Variants in TULP4 observed in about 807,000 individuals in gnomAD.
TULP4 encodes TUB like protein 4.
A neutral mutation model predicts 129.0 loss-of-function variants in TULP4; 16 were observed. The observed-to-expected ratio is 0.12, with a 90% CI of 0.08 to 0.19. TULP4 has a LOEUF of 0.19. Among genes scored for constraint, TULP4 ranks in the 10% least tolerant of loss-of-function variants. The probability of loss-of-function intolerance (pLI) is 1.00; values close to 1 mark genes in which losing one functional copy is unlikely to be tolerated. For missense variants in TULP4, 1,842 were observed against 2,059.1 expected (o/e 0.89, Z 2.04); for synonymous variants, 998 against 854.0 (o/e 1.17, Z -2.94).
chr6:158,423,595 CTTAAT>C (rs544170895), intron 2 of TULP4, among the ~76,000 whole-genome samples: 31 of 151,648 alleles, frequency 2.0e-4, no homozygotes, highest in African/African-American at 5.3e-4. Flanking sequence ...TAAATTTTTT[CTTAAT>C]TTAAACTTGT....
upstream of TULP4, among the ~76,000 whole-genome samples, chr6:158,309,466 G>A (rs1173644045): frequency 2.0e-4 from 30 of 147,618 alleles, no homozygotes; most frequent in Non-Finnish European, 3.7e-4. Context: ...AGGCAGAGAC[G>A]CTCCTCACTT....
At chr6:158,454,040 C>A (rs1779235763) in intron 5 of TULP4, among the ~76,000 whole-genome samples, 2 of 128,412 alleles carry the variant, frequency 1.6e-5, no homozygotes, top group South Asian at 2.7e-4. Flanking sequence ...CAAGTAATTA[C>A]TCTATTTTTA....
intron 3 of TULP4, among the ~76,000 whole-genome samples, chr6:158,436,683 G>T (rs1583873937): frequency 6.6e-6 from 1 of 152,114 alleles, no homozygotes; most frequent in Non-Finnish European, 1.5e-5. Context: ...TTAAAAGGAG[G>T]GAGTCTTAAA....
chr6:158,481,408 G>A (rs1779942700), intron 8 of TULP4, 119 bp downstream of exon 8: 1 of 888,206 alleles, frequency 1.1e-6, no homozygotes, highest in East Asian at 2.7e-5. Context: ...GGGGGCTAGT[G>A]TGGAACATCC....
chr6:158,431,655 G>C, intron 3 of TULP4, among the ~76,000 whole-genome samples: 1 of 152,180 alleles, frequency 6.6e-6, no homozygotes, highest in Non-Finnish European at 1.5e-5. Flanking sequence ...CTCCCAAGTC[G>C]AATCTGGGGT....
At chr6:158,481,374 T>C (rs1380219937) in intron 8 of TULP4, 85 bp downstream of exon 8, 8 of 1,270,340 alleles carry the variant, frequency 6.3e-6, no homozygotes, top group Non-Finnish European at 9.0e-6. Flanking sequence ...AAAGAGAATG[T>C]CTGCTAATGA....
chr6:158,504,201 G>C (rs1374714414), intron 13 of TULP4, 23 bp downstream of exon 13: 2 of 1,515,520 alleles, frequency 1.3e-6, no homozygotes, highest in Non-Finnish European at 1.8e-6. Flanking sequence ...ACCAGGTGGC[G>C]CTGCGAGCCC....
At chr6:158,473,601 C>CT (rs1313474249) in intron 6 of TULP4, among the ~76,000 whole-genome samples, 14 of 152,216 alleles carry the variant, frequency 9.2e-5, no homozygotes, top group Non-Finnish European at 1.8e-4. Flanking sequence ...TCACTGCAAC[C>CT]TCTGCCTCCC....
At chr6:158,454,886 G>A (rs1178520737) in intron 5 of TULP4, among the ~76,000 whole-genome samples, 7 of 152,104 alleles carry the variant, frequency 4.6e-5, no homozygotes, top group Admixed American at 1.3e-4. Context: ...GATTACAGGC[G>A]TGAGCCACCA....
Position 158,293,137 on chromosome 6 carries a change from T to TA in TULP4, n.116+10760dup, listed in dbSNP as rs756160446. 1.6e-4 allele frequency among the ~76,000 whole-genome samples: 24 copies of TA among 152,338 alleles called. No homozygotes were observed. In the East Asian group the frequency reaches 4.6e-3, roughly 29 times the overall value. On this transcript the variant is annotated intron_variant and non_coding_transcript_variant, in intron 1 of 1. Coordinates refer to the TULP4 transcript ENST00000432358. ...TCCCTCCTCTCTCTGTACAGATAAT[T>TA]ACATGTTCATATTCTCAGAATCGGC...
intron 9 of TULP4, among the ~76,000 whole-genome samples, chr6:158,491,417 CTTTCT>C: frequency 3.8e-5 from 1 of 26,524 alleles, no homozygotes; most frequent in Non-Finnish European, 8.3e-5. Flanking sequence ...TTCTTTCTTT[CTTTCT>C]TTCTTTCTTT....
chr6:158,384,323 T>TGA (rs1467579607), intron 1 of TULP4, among the ~76,000 whole-genome samples: 80 of 151,654 alleles, frequency 5.3e-4, no homozygotes, highest in Non-Finnish European at 1.3e-4. Flanking sequence ...AGTCTCGCTC[T>TGA]GTGACCCAGG....
chr6:158,486,967 G>A (rs903557178), intron 8 of TULP4, among the ~76,000 whole-genome samples: 3 of 152,046 alleles, frequency 2.0e-5, no homozygotes, highest in African/African-American at 7.2e-5. Flanking sequence ...AAAAAAAATG[G>A]CCAGGTGCAG....
intron 1 of TULP4, among the ~76,000 whole-genome samples, chr6:158,332,278 C>T (rs1779929213): frequency 2.0e-5 from 3 of 147,818 alleles, no homozygotes; most frequent in Non-Finnish European, 4.5e-5. Flanking sequence ...TGTATAGTAC[C>T]CTAGGGCCGA....
At chr6:158,405,322 T>A (rs76064318) in intron 1 of TULP4, among the ~76,000 whole-genome samples, 2,958 of 152,248 alleles carry the variant, frequency 0.019, 48 homozygotes, top group Non-Finnish European at 0.03. Context: ...GGTGACGAAG[T>A]CCAGCGGAGT....
chr6:158,497,157 CT>C (rs1352651424), intron 11 of TULP4, among the ~76,000 whole-genome samples: 2 of 152,178 alleles, frequency 1.3e-5, no homozygotes, highest in Non-Finnish European at 2.9e-5. Context: ...TCATCCTGAT[CT>C]TTTTAAAAAT....
chr6:158,489,145 A>G (rs942717310), intron 8 of TULP4, among the ~76,000 whole-genome samples: 3 of 152,076 alleles, frequency 2.0e-5, no homozygotes, highest in African/African-American at 7.2e-5. Flanking sequence ...CTCTGTCAGG[A>G]CTGTAGTTCA....
rs748840409 is a variant in TULP4, at chr6:158,502,616, G to T, written c.2953G>T (p.Ala985Ser). 1.3e-6 allele frequency: 2 copies of T among 1,598,226 alleles called. No homozygotes were observed. The highest frequency in any genetic ancestry group is 1.1e-5 in the South Asian group (1 of 90,752). ...GAGGTCCGACAATAGCCTCATCCAC[G>T]CTACCCTGCGGAGGAACAACCGTGA... ...AQRSDNSLIH[A>S]TLRRNNREAT... The change falls in exon 13 of 14, where the codon GCT becomes TCT. Residue 985 changes from alanine to serine, a missense_variant. Transcript: ENST00000367097.
At chr6:158,486,277 A>G (rs764461863) in intron 8 of TULP4, among the ~76,000 whole-genome samples, 4 of 152,208 alleles carry the variant, frequency 2.6e-5, no homozygotes, top group Non-Finnish European at 5.9e-5. Flanking sequence ...AGTTGGCCTT[A>G]TAAGAAGACA....
Sources: gnomAD v4.1 joint callset for allele counts (sites outside exome capture counted in the v4.1 genomes callset) on GRCh38, gnomAD v4.1.1 for gene constraint, MANE v1.5 for transcripts, NCBI Gene and HGNC (gene_info 2026-07-23, HGNC 2026-07-21) for gene names.